The following HFM1 variants were observed in gnomAD, a reference collection of about 807,000 sequenced individuals.
The protein encoded by HFM1 is helicase for meiosis 1.
HFM1 carries 169 observed loss-of-function variants against 192.1 expected under a neutral mutation model. The ratio of observed to expected loss-of-function variants is 0.88; its 90% CI spans 0.78 to 1.00. The LOEUF is 1.00. Among genes scored for constraint, HFM1 ranks in the 50% least tolerant of loss-of-function variants. The pLI, the probability that HFM1 is intolerant of heterozygous loss-of-function variation, is 0.00. For synonymous variants in HFM1, 525 were observed against 537.8 expected (o/e 0.98, Z 0.33); for missense variants, 1,661 against 1,668.0 (o/e 1.00, Z 0.07).
intron 20 of HFM1, among the ~76,000 whole-genome samples, chr1:91,335,960 C>G (rs1430285957): frequency 6.6e-6 from 1 of 151,214 alleles, no homozygotes; most frequent in Non-Finnish European, 1.5e-5. Context: ...ACCCCTCTCT[C>G]CCTCCCTCTC....
At position 91,367,399 on chromosome 1, in the gene HFM1, G is replaced by C. The variant is rs933893937; in HGVS notation, c.1685+7959C>G. ...CTCACACAGCTGGGTACTCCTCTGA[G>C]ACAAAACTTCCAGAGGAACAATCAG... On this transcript the variant is annotated intron_variant, in intron 13 of 38. Transcript: ENST00000370425. 2.2e-4 allele frequency among the ~76,000 whole-genome samples: 34 copies of C among 152,268 alleles called. 1 individual carries two copies. Among genetic ancestry groups the C allele is most frequent in the Middle Eastern group, 6.8e-3 (2 of 294 alleles).
intron 28 of HFM1, among the ~76,000 whole-genome samples, chr1:91,315,384 A>G (rs1305668639): frequency 1.3e-5 from 2 of 152,216 alleles, no homozygotes; most frequent in African/African-American, 4.8e-5. Flanking sequence ...CCTCCTCTAT[A>G]CATTTGCTTT....
chr1:91,332,739 A>C (rs546184822), intron 20 of HFM1, among the ~76,000 whole-genome samples: 14 of 152,338 alleles, frequency 9.2e-5, no homozygotes, highest in African/African-American at 3.4e-4. Flanking sequence ...TAAGGAGCTC[A>C]AACAACTCTA....
At chr1:91,339,765 T>C (rs758782603) in intron 20 of HFM1, among the ~76,000 whole-genome samples, 1 of 152,008 alleles carries the variant, frequency 6.6e-6, no homozygotes, top group Non-Finnish European at 1.5e-5. Flanking sequence ...CTGACCTTGC[T>C]AGAGGGGTCA....
At chr1:91,274,651 T>C (rs1410302255) in intron 33 of HFM1, 79 bp downstream of exon 33, 2 of 668,914 alleles carry the variant, frequency 3.0e-6, no homozygotes, top group Non-Finnish European at 5.2e-6. Flanking sequence ...GTGACTATCT[T>C]TCCCTGAATA....
intron 36 of HFM1, among the ~76,000 whole-genome samples, chr1:91,263,501 G>A (rs912770010): frequency 7.9e-5 from 12 of 152,256 alleles, no homozygotes; most frequent in Admixed American, 4.6e-4. Context: ...CAGCATTTTG[G>A]GAGGTTGAGG....
chr1:91,328,589 G>A (rs760488219), intron 20 of HFM1: 110 of 1,606,558 alleles, frequency 6.8e-5, no homozygotes, highest in Non-Finnish European at 8.5e-5. Context: ...ATGTTCTACC[G>A]CACTATTCGC....
intron 20 of HFM1, chr1:91,329,232 C>A (rs1285681825): frequency 5.0e-6 from 8 of 1,609,658 alleles, no homozygotes; most frequent in Non-Finnish European, 6.8e-6. Context: ...CTTCTTGGAA[C>A]CTGAGGTGCT....
intron 4 of HFM1, among the ~76,000 whole-genome samples, chr1:91,387,051 G>A (rs1231475734): frequency 1.3e-5 from 2 of 152,166 alleles, no homozygotes; most frequent in Non-Finnish European, 2.9e-5. Flanking sequence ...ACAATCTATC[G>A]AAGTAACTTG....
intron 20 of HFM1, among the ~76,000 whole-genome samples, chr1:91,325,959 A>G (rs962937746): frequency 6.6e-6 from 1 of 152,108 alleles, no homozygotes; most frequent in Non-Finnish European, 1.5e-5. Flanking sequence ...GAAAAATGCA[A>G]TGACATGCCG....
At chr1:91,364,608 A>ATT (rs1658988401) in intron 13 of HFM1, among the ~76,000 whole-genome samples, 1 of 84,360 alleles carries the variant, frequency 1.2e-5, no homozygotes, top group Non-Finnish European at 2.1e-5. Context: ...ATACATATAC[A>ATT]TATATATATA....
intron 13 of HFM1, among the ~76,000 whole-genome samples, chr1:91,365,308 TTAA>T (rs1011707297): frequency 5.9e-5 from 9 of 152,078 alleles, no homozygotes; most frequent in Non-Finnish European, 1.2e-4. Flanking sequence ...AAGACTATAG[TTAA>T]TAAAAATTAT....
chr1:91,303,366 T>A (rs1276347979), intron 30 of HFM1, among the ~76,000 whole-genome samples: 1 of 152,236 alleles, frequency 6.6e-6, no homozygotes, highest in Non-Finnish European at 1.5e-5. Flanking sequence ...TTTGGCTGAA[T>A]AATATTCCAT....
intron 13 of HFM1, among the ~76,000 whole-genome samples, chr1:91,373,156 A>AT (rs2101942960): frequency 1.3e-5 from 2 of 151,240 alleles, no homozygotes; most frequent in Non-Finnish European, 3.0e-5. Flanking sequence ...ATTAAAAAAA[A>AT]ACAAAGAATG....
intron 23 of HFM1, among the ~76,000 whole-genome samples, chr1:91,320,863 A>G (rs1466937385): frequency 6.6e-6 from 1 of 152,186 alleles, no homozygotes; most frequent in Non-Finnish European, 1.5e-5. Context: ...GCAGAGTTAC[A>G]TGGTAGTTAT....
chr1:91,277,620 CTAATATATA>C (rs1322802546), intron 30 of HFM1, among the ~76,000 whole-genome samples: 1 of 121,172 alleles, frequency 8.3e-6, no homozygotes, highest in African/African-American at 3.2e-5. Flanking sequence ...ATACTATATA[CTAATATATA>C]TAATATATAC....
At chr1:91,314,849 C>T (rs1650970521) in intron 28 of HFM1, among the ~76,000 whole-genome samples, 1 of 152,206 alleles carries the variant, frequency 6.6e-6, no homozygotes, top group African/African-American at 2.4e-5. Context: ...AGCATATTCT[C>T]TATAAGTGGG....
intron 13 of HFM1, among the ~76,000 whole-genome samples, chr1:91,374,742 T>C: frequency 6.6e-6 from 1 of 152,134 alleles, no homozygotes. Context: ...TGGATTCAGT[T>C]ACACAGATGG....
intron 4 of HFM1, among the ~76,000 whole-genome samples, chr1:91,389,132 G>GTT (rs34874992): frequency 1.5e-4 from 12 of 82,506 alleles, no homozygotes; most frequent in Admixed American, 4.4e-4. Context: ...TTTTTGTTGG[G>GTT]TTTTTTTTTT....
Sources: gnomAD v4.1 joint callset for allele counts (sites outside exome capture counted in the v4.1 genomes callset) on GRCh38, gnomAD v4.1.1 for gene constraint, MANE v1.5 for transcripts, NCBI Gene and HGNC (gene_info 2026-07-23, HGNC 2026-07-21) for gene names.